The following LPCAT2 variants were observed in gnomAD, a reference collection of about 807,000 sequenced individuals.
The protein encoded by LPCAT2 is 1-AGP acyltransferase 11.
A neutral mutation model predicts 64.7 loss-of-function variants in LPCAT2; 58 were observed. That is an observed-to-expected ratio of 0.90 (90% CI 0.73 to 1.12). The LOEUF (loss-of-function observed/expected upper bound fraction) is 1.12. Among genes scored for constraint, LPCAT2 ranks in the 50% most tolerant of loss-of-function variants. The pLI is 0.00. For missense variants in LPCAT2, 579 were observed against 669.8 expected (o/e 0.86, Z 1.50); for synonymous variants, 252 against 245.3 (o/e 1.03, Z -0.26).
intron 1 of LPCAT2, among the ~76,000 whole-genome samples, chr16:55,512,416 C>T (rs115675638): frequency 0.018 from 2,811 of 152,264 alleles, 77 homozygotes; most frequent in African/African-American, 0.063. Context: ...TACTTCTATA[C>T]TGTGTAACAT....
intron 12 of LPCAT2, 123 bp downstream of exon 12, chr16:55,574,852 G>A: frequency 3.0e-6 from 2 of 668,140 alleles, no homozygotes; most frequent in Admixed American, 2.5e-5. Context: ...GACATGTACA[G>A]GACAATAATG....
intron 2 of LPCAT2, 83 bp downstream of exon 2, chr16:55,525,730 G>A (rs1384130464): frequency 2.9e-6 from 3 of 1,026,884 alleles, no homozygotes; most frequent in African/African-American, 3.3e-5. Context: ...GTTCATCATA[G>A]TTTAGTCAGT....
intron 1 of LPCAT2, among the ~76,000 whole-genome samples, chr16:55,520,615 A>G (rs1422731476): frequency 6.6e-6 from 1 of 152,014 alleles, no homozygotes; most frequent in Non-Finnish European, 1.5e-5. Context: ...GCTGGGTCAT[A>G]AAAAACCTCA....
chr16:55,569,484 G>T (rs1963746054), intron 11 of LPCAT2, among the ~76,000 whole-genome samples: 2 of 152,190 alleles, frequency 1.3e-5, no homozygotes, highest in Admixed American at 6.5e-5. Context: ...TAAATTCTCA[G>T]AATATTAGGT....
chr16:55,542,850 TAG>T (rs1400151253), intron 8 of LPCAT2, among the ~76,000 whole-genome samples: 2 of 152,170 alleles, frequency 1.3e-5, no homozygotes, highest in East Asian at 3.9e-4. Context: ...ATGGCTGAGG[TAG>T]AGTCTAGAAG....
Position 55,509,142 on chromosome 16 carries a change from G to T in LPCAT2, c.-40G>T. 1 of 1,302,754 alleles carries T rather than the reference G, an allele frequency of 7.7e-7. No individual in the cohort carries two copies. The highest frequency in any genetic ancestry group is 2.2e-5 in the South Asian group (1 of 46,312). The allele number at this position is 1,302,754 out of a possible 1,614,324, so 80.7% of individuals were successfully genotyped here. On this transcript the variant is annotated 5_prime_UTR_variant, in exon 1 of 14. Coordinates refer to ENST00000262134, the MANE Select transcript of LPCAT2 (RefSeq NM_017839.5). ...CGGCTCAGTTTTGGCTGCAGCGCCC[G>T]CGTAGATCGCTTCGGCCGGGTTCTA...
rs767449982 is a variant in LPCAT2 at position 55,529,862 on chromosome 16, T to G, written c.557T>G (p.Leu186Trp). 1 of 1,611,990 alleles carries G rather than the reference T, an allele frequency of 6.2e-7. No homozygotes were observed. Among genetic ancestry groups the G allele is most frequent in the Non-Finnish European group, 8.5e-7 (1 of 1,179,186 alleles). Residue 186 changes from leucine (L) to tryptophan (W), a missense_variant, in exon 4 of 14, where the codon TTG (leucine) becomes TGG (tryptophan). By Grantham distance (61) the Leu-to-Trp change is moderately conservative. Transcript: ENST00000262134. ...CTGTTACGGGCTGTGCAACCAGTTT[T>G]GGTGTCCCGTGTAGATCCGGATTCC... ...GRLLRAVQPV[L>W]VSRVDPDSRK...
intron 1 of LPCAT2, among the ~76,000 whole-genome samples, chr16:55,524,444 T>C (rs1309416213): frequency 6.6e-6 from 1 of 151,766 alleles, no homozygotes; most frequent in African/African-American, 2.4e-5. Context: ...TTTCTGGGAG[T>C]GGTAAATATG....
chr16:55,552,787 T>A (rs1963531870), intron 11 of LPCAT2, among the ~76,000 whole-genome samples: 1 of 152,224 alleles, frequency 6.6e-6, no homozygotes, highest in African/African-American at 2.4e-5. Flanking sequence ...TTCAGCAAGT[T>A]GTAATCTTCT....
intron 7 of LPCAT2, 142 bp from the exon 8 acceptor site, chr16:55,537,436 A>G: frequency 1.8e-6 from 1 of 542,852 alleles, no homozygotes. Flanking sequence ...AAAGTGTTAT[A>G]GCTGCAGTGT....
intron 1 of LPCAT2, among the ~76,000 whole-genome samples, chr16:55,512,446 C>T (rs1362399): frequency 0.48 from 72,658 of 151,790 alleles, 18,060 homozygotes; most frequent in Non-Finnish European, 0.55. Flanking sequence ...CCCTTTTTTT[C>T]CCTGAAGGTT....
At chr16:55,517,946 G>T (rs1963036658) in intron 1 of LPCAT2, among the ~76,000 whole-genome samples, 1 of 152,174 alleles carries the variant, frequency 6.6e-6, no homozygotes, top group Admixed American at 6.5e-5. Context: ...TGTACTGGAG[G>T]TTCTAGCAAG....
At chr16:55,552,602 G>T (rs1480610688) in intron 11 of LPCAT2, among the ~76,000 whole-genome samples, 1 of 152,144 alleles carries the variant, frequency 6.6e-6, no homozygotes, top group Non-Finnish European at 1.5e-5. Flanking sequence ...AATAGAGGGA[G>T]TATCACAATA....
chr16:55,552,421 G>T (rs1963528042), intron 11 of LPCAT2, among the ~76,000 whole-genome samples: 1 of 152,162 alleles, frequency 6.6e-6, no homozygotes, highest in South Asian at 2.1e-4. Flanking sequence ...TTGTATATAG[G>T]TTATTATATA....
rs150033202 is a variant in LPCAT2 at position 55,573,794 on chromosome 16, GTC to G, written c.1216-835_1216-834del. On this transcript the variant is annotated intron_variant, in intron 11 of 13. Transcript: ENST00000262134. ...CTCCCTCTTTCTTTTTTAGTTCTCT[GTC>G]TGGCCTCTCTTCCTTCAGTCCTCCC... Among the ~76,000 whole-genome samples the G allele has an allele frequency of 2.1e-3, 317 of 150,710 alleles. 6 individuals are homozygous for G. The South Asian group carries it at 0.029, about 14-fold the overall frequency.
chr16:55,544,359 C>T (rs1963429743), intron 8 of LPCAT2, among the ~76,000 whole-genome samples: 1 of 151,946 alleles, frequency 6.6e-6, no homozygotes, highest in Non-Finnish European at 1.5e-5. Flanking sequence ...TATAAAATAC[C>T]CAGCACACAG....
intron 11 of LPCAT2, among the ~76,000 whole-genome samples, chr16:55,553,420 G>A (rs1352396836): frequency 1.3e-5 from 2 of 152,196 alleles, no homozygotes; most frequent in Non-Finnish European, 2.9e-5. Flanking sequence ...TTCATCAGGA[G>A]TAGTTTCCAT....
intron 1 of LPCAT2, among the ~76,000 whole-genome samples, chr16:55,517,874 AG>A (rs1963035740): frequency 1.3e-5 from 2 of 152,328 alleles, no homozygotes; most frequent in East Asian, 3.9e-4. Context: ...AACACCAAAA[AG>A]TTTTCTTCTA....
chr16:55,578,984 T>C (rs1369999262), intron 12 of LPCAT2, 125 bp from the exon 13 acceptor site: 11 of 845,554 alleles, frequency 1.3e-5, no homozygotes, highest in Non-Finnish European at 1.9e-5. Context: ...TGATACTTTC[T>C]TAATATACAT....
Sources: gnomAD v4.1 joint callset for allele counts (sites outside exome capture counted in the v4.1 genomes callset) on GRCh38, gnomAD v4.1.1 for gene constraint, MANE v1.5 for transcripts, NCBI Gene and HGNC (gene_info 2026-07-23, HGNC 2026-07-21) for gene names.